The following LOC400499 variants were observed in gnomAD, a reference collection of about 807,000 sequenced individuals.
chr16:11,474,259 G>T, the LOC400499 span, among the ~76,000 whole-genome samples: 3 of 152,308 alleles, frequency 2.0e-5, no homozygotes, highest in East Asian at 3.9e-4. Flanking sequence ...GCAAATGAAG[G>T]GGGTGTGCTG....
the LOC400499 span, chr16:11,491,858 G>A: frequency 2.5e-6 from 1 of 398,816 alleles, no homozygotes; most frequent in East Asian, 3.6e-5. Flanking sequence ...GGCTTGGGCA[G>A]AAGGAAAGCC....
At chr16:11,473,755 C>CAAAAA in the LOC400499 span, among the ~76,000 whole-genome samples, 1 of 139,114 alleles carries the variant, frequency 7.2e-6, no homozygotes, top group Non-Finnish European at 1.6e-5. Context: ...AACTCTGTCT[C>CAAAAA]AAAAAAAAAA....
At chr16:11,504,000 G>A in the LOC400499 span, among the ~76,000 whole-genome samples, 5 of 152,150 alleles carry the variant, frequency 3.3e-5, no homozygotes, top group African/African-American at 1.2e-4. Context: ...GCTGCCCTTG[G>A]CACCCTGGGT....
the LOC400499 span, among the ~76,000 whole-genome samples, chr16:11,415,368 C>T: frequency 6.6e-6 from 1 of 152,228 alleles, no homozygotes; most frequent in Non-Finnish European, 1.5e-5. Context: ...GACACTCAGC[C>T]AGGCTCCAGC....
the LOC400499 span, chr16:11,412,979 G>A: frequency 2.5e-6 from 1 of 399,242 alleles, no homozygotes; most frequent in Non-Finnish European, 4.4e-6. Flanking sequence ...GCTGTGAGAT[G>A]TGTGGGTGTA....
At chr16:11,479,687 A>G in the LOC400499 span, among the ~76,000 whole-genome samples, 5 of 152,196 alleles carry the variant, frequency 3.3e-5, no homozygotes, top group African/African-American at 1.2e-4. Context: ...GTTCCCACGT[A>G]TCCTTCAACT....
At chr16:11,444,919 T>C in the LOC400499 span, among the ~76,000 whole-genome samples, 2 of 151,796 alleles carry the variant, frequency 1.3e-5, no homozygotes, top group Non-Finnish European at 2.9e-5. Context: ...CTGTCTCTAC[T>C]AAAAATAAAA....
chr16:11,433,251 G>T, the LOC400499 span, among the ~76,000 whole-genome samples: 3 of 152,108 alleles, frequency 2.0e-5, no homozygotes, highest in African/African-American at 4.8e-5. Context: ...AATTTGCCTC[G>T]AATCCTTTTC....
At chr16:11,428,402 G>A in the LOC400499 span, among the ~76,000 whole-genome samples, 1 of 152,118 alleles carries the variant, frequency 6.6e-6, no homozygotes, top group Admixed American at 6.5e-5. Flanking sequence ...TCGAACTCCT[G>A]ACCTCGGGTG....
At chr16:11,372,190 C>T in the LOC400499 span, 1 of 152,180 alleles carries the variant, frequency 6.6e-6, no homozygotes, top group Non-Finnish European at 1.5e-5. Context: ...GTGTGTCTAC[C>T]CCAAAGAGAG....
chr16:11,501,115 A>AC, the LOC400499 span: 2 of 371,420 alleles, frequency 5.4e-6, no homozygotes, highest in African/African-American at 2.2e-5. Context: ...CGGGTCTGGG[A>AC]CCCCGCAGTC....
At chr16:11,450,977 G>A in the LOC400499 span, among the ~76,000 whole-genome samples, 13 of 152,340 alleles carry the variant, frequency 8.5e-5, no homozygotes, top group South Asian at 4.1e-4. Flanking sequence ...CGTTGGTAAT[G>A]TTGTGACTCA....
At chr16:11,523,658 C>G in the LOC400499 span, 1 of 388,080 alleles carries the variant, frequency 2.6e-6, no homozygotes, top group Non-Finnish European at 4.5e-6. Flanking sequence ...TTGCCCTACC[C>G]TTTGTCCAAT....
chr16:11,383,948 G>A, the LOC400499 span: 9 of 1,231,910 alleles, frequency 7.3e-6, no homozygotes, highest in South Asian at 2.1e-4. Flanking sequence ...CAGGCGGGGA[G>A]CTGTCCCGGG....
the LOC400499 span, among the ~76,000 whole-genome samples, chr16:11,511,215 T>C: frequency 6.6e-6 from 1 of 152,078 alleles, no homozygotes; most frequent in South Asian, 2.1e-4. Context: ...CAGACTGGTG[T>C]CAAACTCCTG....
chr16:11,419,822 A>C, the LOC400499 span, among the ~76,000 whole-genome samples: 956 of 152,176 alleles, frequency 6.3e-3, 6 homozygotes, highest in Middle Eastern at 0.017. Flanking sequence ...ACATTTATGC[A>C]GCCAAAAGAC....
At chr16:11,493,164 G>A in the LOC400499 span, among the ~76,000 whole-genome samples, 25 of 152,304 alleles carry the variant, frequency 1.6e-4, 1 homozygote, top group East Asian at 2.5e-3. Context: ...TTGACTCTGA[G>A]TAAGAAGGGA....
chr16:11,478,780 C>G, the LOC400499 span: 1 of 398,178 alleles, frequency 2.5e-6, no homozygotes, highest in East Asian at 3.6e-5. Flanking sequence ...CATCTCATAG[C>G]TCCCATAATT....
chr16:11,397,810 G>C, the LOC400499 span, among the ~76,000 whole-genome samples: 4 of 150,864 alleles, frequency 2.7e-5, no homozygotes, highest in African/African-American at 9.8e-5. Flanking sequence ...ATGGACGGAC[G>C]GATGAATGGA....
Sources: allele counts gnomAD v4.1 joint callset (sites outside exome capture counted in the v4.1 genomes callset), GRCh38; gene constraint gnomAD v4.1.1; transcripts MANE v1.5.